The following ZFAND3 variants were observed in gnomAD, a reference collection of about 807,000 sequenced individuals.
The protein encoded by ZFAND3 is zinc finger AN1-type containing 3, also known as AN1-type zinc finger protein 3.
In ZFAND3, 10 loss-of-function variants were observed where a neutral mutation model predicts 29.6. The observed-to-expected ratio is 0.34, with a 90% CI of 0.21 to 0.57. The LOEUF (loss-of-function observed/expected upper bound fraction) is 0.57. Ranked by LOEUF, ZFAND3 falls within the 20% of genes least tolerant of loss-of-function variation. ZFAND3 has a pLI of 0.86. For missense variants in ZFAND3, 230 were observed against 304.5 expected (o/e 0.76, Z 1.82); for synonymous variants, 128 against 112.6 (o/e 1.14, Z -0.87).
intron 1 of ZFAND3, among the ~76,000 whole-genome samples, chr6:37,923,430 T>C (rs1196872409): frequency 6.6e-6 from 1 of 152,166 alleles, no homozygotes; most frequent in Admixed American, 6.5e-5. Flanking sequence ...GGAGCTGTCA[T>C]CTCCATGATA....
chr6:38,099,173 G>A (rs1016449051), intron 4 of ZFAND3, among the ~76,000 whole-genome samples: 3 of 152,046 alleles, frequency 2.0e-5, no homozygotes, highest in African/African-American at 7.2e-5. Context: ...TTAAAATCTG[G>A]GTAAGAAAGA....
At chr6:37,928,035 C>G (rs924908542) in intron 1 of ZFAND3, among the ~76,000 whole-genome samples, 2 of 152,214 alleles carry the variant, frequency 1.3e-5, no homozygotes, top group African/African-American at 4.8e-5. Context: ...ATTAACACAT[C>G]TCTTTATCTT....
At chr6:37,997,614 G>A (rs1170110869) in intron 2 of ZFAND3, among the ~76,000 whole-genome samples, 1 of 152,196 alleles carries the variant, frequency 6.6e-6, no homozygotes, top group Admixed American at 6.5e-5. Context: ...GTAAGCTTGG[G>A]AGCACTGTGA....
intron 1 of ZFAND3, among the ~76,000 whole-genome samples, chr6:37,921,835 C>T (rs926091466): frequency 1.3e-5 from 2 of 149,246 alleles, no homozygotes; most frequent in African/African-American, 5.0e-5. Context: ...TGCTTGAGCT[C>T]ACTAGTCAGA....
chr6:38,001,478 T>G (rs1260428172), intron 2 of ZFAND3, among the ~76,000 whole-genome samples: 1 of 152,236 alleles, frequency 6.6e-6, no homozygotes. Context: ...CCAGTTCATT[T>G]ATTTTTCCTA....
intron 5 of ZFAND3, among the ~76,000 whole-genome samples, chr6:38,121,819 A>G (rs1318851250): frequency 2.0e-5 from 3 of 152,128 alleles, no homozygotes; most frequent in East Asian, 1.9e-4. Flanking sequence ...TTTCTCCACT[A>G]TGTAGTTACT....
At chr6:38,066,815 T>A (rs1249763269) in intron 3 of ZFAND3, among the ~76,000 whole-genome samples, 2 of 152,186 alleles carry the variant, frequency 1.3e-5, no homozygotes, top group Non-Finnish European at 2.9e-5. Context: ...ACAGGACTAA[T>A]TTTTACCCAA....
chr6:37,895,871 A>G (rs758658709), intron 1 of ZFAND3, among the ~76,000 whole-genome samples: 4 of 152,288 alleles, frequency 2.6e-5, no homozygotes, highest in East Asian at 3.9e-4. Flanking sequence ...TCAACATTTA[A>G]TCTAGGGTTC....
chr6:38,113,285 C>T lies in ZFAND3; in HGVS notation c.362-3287C>T, dbSNP rs1765355006. 2.0e-5 allele frequency among the ~76,000 whole-genome samples: 3 copies of T among 152,104 alleles called. No homozygotes were observed. The South Asian group carries it at 6.2e-4, about 32-fold the overall frequency. ...TCATAGACTTGTACGGATGCTGGGA[C>T]ATTGATTGTCAGAGGATCGAGTAGG... On this transcript the variant is annotated intron_variant, in intron 4 of 5. Coordinates refer to ENST00000287218, the MANE Select transcript of ZFAND3 (RefSeq NM_021943.3).
chr6:38,151,674 A>G (rs1047049526), intron 5 of ZFAND3, among the ~76,000 whole-genome samples: 2 of 152,126 alleles, frequency 1.3e-5, no homozygotes, highest in Admixed American at 6.5e-5. Context: ...CTCTGTTTCT[A>G]TCTAATACTT....
At chr6:37,988,695 C>G (rs538483384) in intron 2 of ZFAND3, among the ~76,000 whole-genome samples, 1 of 152,250 alleles carries the variant, frequency 6.6e-6, no homozygotes, top group East Asian at 1.9e-4. Flanking sequence ...TCTTCTGGTT[C>G]CTCTTGTTCC....
intron 1 of ZFAND3, among the ~76,000 whole-genome samples, chr6:37,876,714 A>G (rs1764800023): frequency 1.3e-5 from 2 of 152,182 alleles, no homozygotes; most frequent in South Asian, 2.1e-4. Flanking sequence ...GGCAGGGGAC[A>G]TTTTGGAGTG....
At chr6:38,126,097 TC>T (rs1446068724) in intron 5 of ZFAND3, among the ~76,000 whole-genome samples, 1 of 152,190 alleles carries the variant, frequency 6.6e-6, no homozygotes, top group East Asian at 1.9e-4. Context: ...CCATATTCTC[TC>T]CCACCCTAGC....
intron 2 of ZFAND3, among the ~76,000 whole-genome samples, chr6:38,005,839 G>A (rs1763039177): frequency 6.6e-6 from 1 of 152,158 alleles, no homozygotes; most frequent in Non-Finnish European, 1.5e-5. Flanking sequence ...TGTTATCAAT[G>A]TACACTAAAC....
chr6:37,870,886 T>C (rs1764683989), intron 1 of ZFAND3, among the ~76,000 whole-genome samples: 1 of 152,188 alleles, frequency 6.6e-6, no homozygotes, highest in Admixed American at 6.5e-5. Flanking sequence ...ATATGATTTG[T>C]CATTTTTCTC....
chr6:37,927,787 G>A (rs1360884245), intron 1 of ZFAND3, among the ~76,000 whole-genome samples: 3 of 152,204 alleles, frequency 2.0e-5, no homozygotes, highest in Admixed American at 1.3e-4. Context: ...CAGAGTGCTG[G>A]TTCTGGACTG....
At chr6:38,016,371 T>C (rs6940491) in intron 2 of ZFAND3, among the ~76,000 whole-genome samples, 12,533 of 152,236 alleles carry the variant, frequency 0.082, 632 homozygotes, top group African/African-American at 0.15. Context: ...CATGGGACGA[T>C]ATGTTACAAA....
intron 4 of ZFAND3, among the ~76,000 whole-genome samples, chr6:38,095,815 T>G (rs1287746095): frequency 1.3e-5 from 2 of 152,112 alleles, no homozygotes; most frequent in Non-Finnish European, 2.9e-5. Flanking sequence ...GTGGATTGCT[T>G]GAGCCCAGGA....
chr6:38,020,993 G>A (rs575421231), intron 2 of ZFAND3, among the ~76,000 whole-genome samples: 1 of 152,270 alleles, frequency 6.6e-6, no homozygotes, highest in East Asian at 1.9e-4. Context: ...ATTTATTAGT[G>A]TTTTATACTT....
Sources: allele counts gnomAD v4.1 joint callset (sites outside exome capture counted in the v4.1 genomes callset), GRCh38; gene constraint gnomAD v4.1.1; transcripts MANE v1.5; gene names NCBI Gene and HGNC (gene_info 2026-07-23, HGNC 2026-07-21).